PCDHGA1: variants seen among roughly 807,000 people sequenced by gnomAD.
PCDHGA1 encodes protocadherin gamma subfamily A, 1.
In PCDHGA1, 32 loss-of-function variants were observed where a neutral mutation model predicts 58.0. The observed-to-expected ratio is 0.55, with a 90% CI of 0.42 to 0.74. The LOEUF (loss-of-function observed/expected upper bound fraction) is 0.74. Ranked by LOEUF, PCDHGA1 falls within the 30% of genes least tolerant of loss-of-function variation. The probability of loss-of-function intolerance (pLI) is 0.00; values close to 1 mark genes in which losing one functional copy is unlikely to be tolerated. For missense variants in PCDHGA1, 1,205 were observed against 1,182.3 expected (o/e 1.02, Z -0.28); for synonymous variants, 498 against 501.1 (o/e 0.99, Z 0.08).
At chr5:141,449,723 GA>G (rs1432635918) in intron 1 of PCDHGA1, among the ~76,000 whole-genome samples, 2 of 150,880 alleles carry the variant, frequency 1.3e-5, no homozygotes, top group Admixed American at 6.6e-5. Flanking sequence ...TATATGATAT[GA>G]TTTTTTTATG....
chr5:141,389,910 C>T (rs1417147488), intron 1 of PCDHGA1: 21 of 1,614,080 alleles, frequency 1.3e-5, no homozygotes, highest in Non-Finnish European at 1.7e-5. Flanking sequence ...TATCACTGAC[C>T]GCCCCGACCC....
At chr5:141,408,226 GCGCCGGGCCGGCC>G (rs2095062452) in intron 1 of PCDHGA1, 1 of 1,562,288 alleles carries the variant, frequency 6.4e-7, no homozygotes, top group South Asian at 1.2e-5. Flanking sequence ...GCGCGCAGAG[GCGCCGGGCCGGCC>G]CGCGGCAGGT....
Position 141,431,581 on chromosome 5 carries a change from T to A in PCDHGA1, c.2422-63226T>A, listed in dbSNP as rs749863807. Reference sequence around the variant, plus strand: ...CTACCGACCCTGACGAAGGAGTCAATGCGGAAGTGAGGTATTCCTTCCGGT... The same window carrying A: ...CTACCGACCCTGACGAAGGAGTCAAAGCGGAAGTGAGGTATTCCTTCCGGT... On this transcript the variant is annotated intron_variant, in intron 1 of 3. Coordinates refer to ENST00000517417, the MANE Select transcript of PCDHGA1 (RefSeq NM_018912.3). This position sits in a 1 kb window ranked among gnomAD's most constrained non-coding sequence, Gnocchi z 4.8. 3.1e-6 allele frequency: 5 copies of A among 1,614,160 alleles called. No individual in the cohort carries two copies. In the South Asian group the frequency reaches 5.5e-5, roughly 18 times the overall value.
At chr5:141,422,463 C>T in intron 1 of PCDHGA1, 1 of 1,613,472 alleles carries the variant, frequency 6.2e-7, no homozygotes, top group African/African-American at 1.3e-5. Context: ...GAGTGCTGGA[C>T]AGGGAGTTGG....
rs1591094034 is a variant in PCDHGA1 at position 141,431,659 on chromosome 5, A to T, written c.2422-63148A>T. 3.7e-6 allele frequency: 6 copies of T among 1,614,246 alleles called. No individual in the cohort carries two copies. The highest frequency in any genetic ancestry group is 3.4e-6 in the Non-Finnish European group (4 of 1,180,036). On this transcript the variant is annotated intron_variant, in intron 1 of 3. Coordinates refer to ENST00000517417, the MANE Select transcript of PCDHGA1 (RefSeq NM_018912.3). This position sits in a 1 kb window ranked among gnomAD's most constrained non-coding sequence, Gnocchi z 4.8. ...TCAAACTAGATTGTAATTCAGGGAC[A>T]ATATCAACAATAGGGGAGTTGGACC...
chr5:141,370,764 C>T (rs2149970844), intron 1 of PCDHGA1: 2 of 1,613,908 alleles, frequency 1.2e-6, no homozygotes, highest in Non-Finnish European at 1.7e-6. Flanking sequence ...TGTGCTGATC[C>T]AGGATATTAA....
At chr5:141,389,860 ACC>A (rs2091950057) in intron 1 of PCDHGA1, 1 of 1,613,934 alleles carries the variant, frequency 6.2e-7, no homozygotes, top group Non-Finnish European at 8.5e-7. Context: ...GCCACGTTGC[ACC>A]TGGTCTTCGC....
chr5:141,356,312 T>A (rs956800097), intron 1 of PCDHGA1: 4 of 1,554,200 alleles, frequency 2.6e-6, no homozygotes, highest in Middle Eastern at 1.7e-4. Flanking sequence ...CTTTTCAACG[T>A]GCATGACAGT....
At chr5:141,383,848 A>G in intron 1 of PCDHGA1, 1 of 1,613,980 alleles carries the variant, frequency 6.2e-7, no homozygotes. Flanking sequence ...CTTCTATGAA[A>G]TGGAGGTTCA....
At position 141,371,344 on chromosome 5, in the gene PCDHGA1, T is replaced by C. The variant is rs752180321; in HGVS notation, c.2421+38239T>C. The C allele has an allele frequency of 9.1e-5, 147 of 1,613,880 alleles. 4 individuals are homozygous for C. In the South Asian group the frequency reaches 1.4e-3, roughly 16 times the overall value. ...TTTGAAGAGAGAGATAGCTACACAATTGGGGTGGAAGCAAAGGATGGTGGA... is the reference window on the plus strand; with the variant it reads ...TTTGAAGAGAGAGATAGCTACACAACTGGGGTGGAAGCAAAGGATGGTGGA... On this transcript the variant is annotated intron_variant, in intron 1 of 3. Coordinates refer to ENST00000517417, the MANE Select transcript of PCDHGA1 (RefSeq NM_018912.3).
chr5:141,340,357 C>T (rs765686553), intron 1 of PCDHGA1: 4 of 1,614,182 alleles, frequency 2.5e-6, no homozygotes, highest in South Asian at 1.1e-5. Context: ...CCTACATTCC[C>T]GAAAACAACC....
chr5:141,355,302 G>A, intron 1 of PCDHGA1: 7 of 1,613,916 alleles, frequency 4.3e-6, no homozygotes, highest in Non-Finnish European at 5.9e-6. Flanking sequence ...TTCTCTACTC[G>A]GTGTTTGAGG....
rs1374094845 is a variant in PCDHGA1, at chr5:141,476,576, T to A, written c.2422-18231T>A. On this transcript the variant is annotated intron_variant, in intron 1 of 3. Coordinates refer to ENST00000517417, the MANE Select transcript of PCDHGA1 (RefSeq NM_018912.3). The surrounding 1 kb of genome is among the most constrained non-coding windows in gnomAD (Gnocchi z 7.6). Reference sequence around the variant, plus strand: ...CGAGGCCGTGGCTCCGGGGACGCGCTTTCCGCTCGAGAGCGCGCACGATCC... The same window carrying A: ...CGAGGCCGTGGCTCCGGGGACGCGCATTCCGCTCGAGAGCGCGCACGATCC... 3 of 1,614,102 alleles carry A rather than the reference T, an allele frequency of 1.9e-6. No individual in the cohort carries two copies. Among genetic ancestry groups the A allele is most frequent in the Middle Eastern group, 1.6e-4 (1 of 6,084 alleles).
In PCDHGA1 at chr5:141,478,818, C is replaced by T. The variant is rs980032138; in HGVS notation, c.2422-15989C>T. ...AGCACTCTTTTGCTATCACAACTAA[C>T]CAATCTTGCTAAGGGATGGTTAAGC... On this transcript the variant is annotated intron_variant, in intron 1 of 3. Transcript: ENST00000517417. The T allele has an allele frequency of 2.1e-5, 30 of 1,449,330 alleles. No individual in the cohort carries two copies. The African/African-American group carries it at 3.3e-4, about 16-fold the overall frequency. 89.8% of individuals were successfully genotyped at this position (1,449,330 alleles called of 1,614,324 possible). A position where few individuals can be genotyped will look rare whatever the true frequency, so the allele number is the denominator to read the frequency against.
At chr5:141,389,919 C>T (rs777835466) in intron 1 of PCDHGA1, 22 of 1,613,962 alleles carry the variant, frequency 1.4e-5, no homozygotes, top group Middle Eastern at 1.6e-4. Context: ...CCGCCCCGAC[C>T]CCTCTGACCT....
At chr5:141,365,003 A>C (rs1292135798) in intron 1 of PCDHGA1, 1 of 1,613,774 alleles carries the variant, frequency 6.2e-7, no homozygotes, top group Non-Finnish European at 8.5e-7. Context: ...ACTCTCCGGC[A>C]CCACGCACAT....
intron 1 of PCDHGA1, chr5:141,415,513 G>A: frequency 6.2e-7 from 1 of 1,614,214 alleles, no homozygotes; most frequent in East Asian, 2.2e-5. Context: ...GCCCAATTAT[G>A]CGGACACGCT....
At chr5:141,415,688 T>A (rs373105795) in intron 1 of PCDHGA1, 395 of 1,545,880 alleles carry the variant, frequency 2.6e-4, no homozygotes, top group Non-Finnish European at 3.3e-4. Context: ...GGCATGATGG[T>A]GGAAAGTGTA....
Position 141,490,157 on chromosome 5 carries a change from G to T in PCDHGA1, c.2422-4650G>T. 1 of 1,614,210 alleles carries T rather than the reference G, an allele frequency of 6.2e-7. No homozygotes were observed. The highest frequency in any genetic ancestry group is 8.5e-7 in the Non-Finnish European group (1 of 1,180,038). On this transcript the variant is annotated intron_variant, in intron 1 of 3. Transcript: ENST00000517417. This position sits in a 1 kb window ranked among gnomAD's most constrained non-coding sequence, Gnocchi z 5.4. ...AGCAGTGGGGCAATCCATGTGTTGGGTCCCATAGACTTTGAGGAGTCACGT... is the reference window on the plus strand; with the variant it reads ...AGCAGTGGGGCAATCCATGTGTTGGTTCCCATAGACTTTGAGGAGTCACGT...
Sources: gnomAD v4.1 joint callset for allele counts (sites outside exome capture counted in the v4.1 genomes callset) on GRCh38, gnomAD v4.1.1 for gene constraint, Gnocchi (gnomAD v3.1) non-coding constraint, MANE v1.5 for transcripts, NCBI Gene and HGNC (gene_info 2026-07-23, HGNC 2026-07-21) for gene names.